Variants in APOL6 observed in about 807,000 individuals in gnomAD.
APOL6 encodes apolipoprotein L6.
In APOL6, 1 loss-of-function variant was observed where a neutral mutation model predicts 2.4. The ratio of observed to expected loss-of-function variants is 0.41; its 90% CI spans 0.15 to 1.94. The LOEUF (loss-of-function observed/expected upper bound fraction) is 1.94. Among genes scored for constraint, APOL6 ranks in the 30% most tolerant of loss-of-function variants. APOL6 has a pLI of 0.30. For synonymous variants in APOL6, 189 were observed against 169.3 expected (o/e 1.12, Z -0.90); for missense variants, 438 against 429.2 (o/e 1.02, Z -0.18).
intron 2 of APOL6, among the ~76,000 whole-genome samples, chr22:35,657,407 T>C (rs1924874325): frequency 6.6e-6 from 1 of 152,194 alleles, no homozygotes; most frequent in African/African-American, 2.4e-5. Flanking sequence ...AAACATATGC[T>C]CGATGGTATA....
chr22:35,667,613 A>C lies in APOL6; in HGVS notation c.*8017A>C, dbSNP rs1925223528. The C allele has an allele frequency of 6.6e-6, 1 of 152,198 alleles. No individual in the cohort carries two copies. The highest frequency in any genetic ancestry group is 2.1e-4 in the South Asian group (1 of 4,834). 9.4% of individuals were successfully genotyped at this position (152,198 alleles called of 1,614,324 possible). A position where few individuals can be genotyped will look rare whatever the true frequency, so the allele number is the denominator to read the frequency against. On this transcript the variant is annotated 3_prime_UTR_variant, in exon 3 of 3. Transcript: ENST00000409652. ...CACATTCATTAGGTTTCAACATATA[A>C]ACTTTCAGGGGACACAGACATTCAG...
chr22:35,661,251 G>T lies in APOL6; in HGVS notation c.*1655G>T, dbSNP rs756982107. 1 of 151,396 alleles carries T rather than the reference G, an allele frequency of 6.6e-6. No individual in the cohort carries two copies. Among genetic ancestry groups the T allele is most frequent in the Admixed American group, 6.6e-5 (1 of 15,184 alleles). 9.4% of individuals were successfully genotyped at this position (151,396 alleles called of 1,614,324 possible). ...AGGGCACTTGTAATCCTATCTACTC[G>T]GGAGGCTGAGGCAGGAGAATCGCTT... is the stretch of plus-strand genomic sequence containing the variant. On this transcript the variant is annotated 3_prime_UTR_variant, in exon 3 of 3. Coordinates refer to ENST00000409652, the MANE Select transcript of APOL6 (RefSeq NM_030641.4).
intron 2 of APOL6, among the ~76,000 whole-genome samples, chr22:35,656,827 TTGGTG>T (rs386821036): frequency 0.026 from 3,946 of 152,292 alleles, 81 homozygotes; most frequent in African/African-American, 0.046. Context: ...AGGAAGCCAT[TTGGTG>T]TTAACAAATT....
Position 35,656,453 on chromosome 22 carries a change from G to A in APOL6, c.28G>A (p.Glu10Lys). The A allele has an allele frequency of 1.2e-6, 2 of 1,614,122 alleles. No individual in the cohort carries two copies. The highest frequency in any genetic ancestry group is 1.3e-5 in the African/African-American group (1 of 75,050). Residue 10 changes from glutamate (E) to lysine (K), a missense_variant, in exon 2 of 3, where the codon GAG becomes AAG. By Grantham distance (56) the Glu-to-Lys change is moderately conservative. Transcript: ENST00000409652. MDNQAERES[E>K]AGVGLQRDED... is the part of the protein sequence containing the mutation. ...GGACAACCAGGCGGAGAGAGAAAGT[G>A]AGGCTGGTGTTGGTTTGCAAAGGTA...
At chr22:35,649,630 C>T (rs774427419) in intron 1 of APOL6, among the ~76,000 whole-genome samples, 2 of 151,982 alleles carry the variant, frequency 1.3e-5, no homozygotes, top group South Asian at 2.1e-4. Flanking sequence ...ATAAACCTCT[C>T]ACAAGCAAAT....
In APOL6 at chr22:35,659,203, G is replaced by A. The variant is rs777240326; in HGVS notation, c.639G>A (p.Arg213=). 6.2e-6 allele frequency: 10 copies of A among 1,614,064 alleles called. 1 individual carries two copies. The highest frequency in any genetic ancestry group is 8.5e-6 in the Non-Finnish European group (10 of 1,180,038). Residue 213 remains arginine, a synonymous_variant, in exon 3 of 3, where the codon CGG becomes CGA. Coordinates refer to ENST00000409652, the MANE Select transcript of APOL6 (RefSeq NM_030641.4). The part of the protein sequence containing the change: ...RLLTTGQVSS[R]SRVQVQKAFA... Reference sequence around the variant, plus strand: ...TGACCACTGGCCAAGTCTCCTCCCGGAGCCGCGTGCAGGTGCAAAAGGCCT... The same window carrying A: ...TGACCACTGGCCAAGTCTCCTCCCGAAGCCGCGTGCAGGTGCAAAAGGCCT...
At chr22:35,652,963 A>G (rs1171444010) in intron 1 of APOL6, among the ~76,000 whole-genome samples, 3 of 151,670 alleles carry the variant, frequency 2.0e-5, no homozygotes, top group Non-Finnish European at 4.4e-5. Context: ...TGGGGATGGC[A>G]TTGAATCTAT....
Position 35,659,202 on chromosome 22 carries a change from G to T in APOL6, c.638G>T (p.Arg213Leu), listed in dbSNP as rs758262301. ...RLLTTGQVSS[R>L]SRVQVQKAFA... ...CTGACCACTGGCCAAGTCTCCTCCC[G>T]GAGCCGCGTGCAGGTGCAAAAGGCC... The change falls in exon 3 of 3, where the codon CGG becomes CTG. Residue 213 changes from arginine to leucine, a missense_variant. Transcript: ENST00000409652. 6 of 1,614,042 alleles carry T rather than the reference G, an allele frequency of 3.7e-6. No homozygotes were observed. Among genetic ancestry groups the T allele is most frequent in the Non-Finnish European group, 5.1e-6 (6 of 1,180,042 alleles).
In APOL6 at chr22:35,661,284, G is replaced by A. The variant is rs1464881843; in HGVS notation, c.*1688G>A. 6.7e-6 allele frequency: 1 copy of A among 149,658 alleles called. No individual in the cohort carries two copies. Among genetic ancestry groups the A allele is most frequent in the Non-Finnish European group, 1.5e-5 (1 of 67,762 alleles). The allele number at this position is 149,658 out of a possible 1,614,324, so 9.3% of individuals were successfully genotyped here. ...GAGGCAGGAGAATCGCTTGAACCCA[G>A]GCTGTAAAGGTTGCAGTGAGCCAAG... On this transcript the variant is annotated 3_prime_UTR_variant, in exon 3 of 3. Transcript: ENST00000409652.
intron 1 of APOL6, among the ~76,000 whole-genome samples, chr22:35,649,031 A>G (rs1924619818): frequency 6.6e-6 from 1 of 152,132 alleles, no homozygotes; most frequent in Non-Finnish European, 1.5e-5. Context: ...ACAAGAAAAA[A>G]GGTGCTGGGT....
Position 35,659,341 on chromosome 22 carries a change from G to A in APOL6, c.777G>A (p.Leu259=), listed in dbSNP as rs1924951285. The A allele has an allele frequency of 6.2e-7, 1 of 1,613,972 alleles. No individual in the cohort carries two copies. Among genetic ancestry groups the A allele is most frequent in the Admixed American group, 1.7e-5 (1 of 60,002 alleles). The change falls in exon 3 of 3, where the codon CTG becomes CTA. Residue 259 remains leucine, a synonymous_variant. Coordinates refer to ENST00000409652, the MANE Select transcript of APOL6 (RefSeq NM_030641.4). ...LATLSKEWKH[L]KEGARTKFAE... is the part of the protein sequence containing the mutation. ...CTCTCTCAAAGGAATGGAAGCACCT[G>A]AAGGAAGGAGCAAGGACAAAGTTTG... is the stretch of plus-strand genomic sequence containing the variant.
intron 1 of APOL6, among the ~76,000 whole-genome samples, chr22:35,654,134 C>T (rs1236782311): frequency 1.3e-5 from 2 of 152,202 alleles, no homozygotes; most frequent in South Asian, 2.1e-4. Flanking sequence ...GGCACACCAC[C>T]CTCCAGGTAC....
chr22:35,658,629 C>G lies in APOL6; in HGVS notation c.65C>G (p.Ala22Gly), dbSNP rs1339159022. The G allele has an allele frequency of 6.2e-7, 1 of 1,610,338 alleles. No individual in the cohort carries two copies. Among genetic ancestry groups the G allele is most frequent in the Non-Finnish European group, 8.5e-7 (1 of 1,177,868 alleles). The change falls in exon 3 of 3, where the codon GCT (alanine) becomes GGT (glycine). Residue 22 changes from alanine to glycine, a missense_variant. Physicochemically the swap from Ala to Gly is moderately conservative, Grantham distance 60. Transcript: ENST00000409652. The stretch of plus-strand genomic sequence containing the variant: ...TTTCTCCTCAGGGATGAGGATGACG[C>G]TCCTCTGTGTGAAGACGTGGAGCTA... ...GVGLQRDEDDAPLCEDVELQD... is the reference protein window; with the variant it reads ...GVGLQRDEDDGPLCEDVELQD...
rs1925230287 is a variant in APOL6 at position 35,667,843 on chromosome 22, T to C, written c.*8247T>C. 6.6e-6 allele frequency: 1 copy of C among 152,214 alleles called. No individual in the cohort carries two copies. Among genetic ancestry groups the C allele is most frequent in the African/African-American group, 2.4e-5 (1 of 41,458 alleles). The allele number at this position is 152,214 out of a possible 1,614,324, so 9.4% of individuals were successfully genotyped here. ...GAAGAAAGGACTATGAGTTCAACTT[T>C]AGAGGGAGCCATGGGGACTAAACAA... On this transcript the variant is annotated 3_prime_UTR_variant, in exon 3 of 3. Coordinates refer to ENST00000409652, the MANE Select transcript of APOL6 (RefSeq NM_030641.4).
In APOL6 at chr22:35,658,764, T is replaced by G; in HGVS notation, c.200T>G (p.Ile67Ser). The G allele has an allele frequency of 6.2e-7, 1 of 1,614,124 alleles. No individual in the cohort carries two copies. The highest frequency in any genetic ancestry group is 8.5e-7 in the Non-Finnish European group (1 of 1,180,022). Residue 67 changes from isoleucine (I) to serine (S), a missense_variant, in exon 3 of 3, where the codon ATT (isoleucine) becomes AGT (serine). Ile to Ser is a moderately radical substitution (Grantham distance 142, BLOSUM62 -2). Coordinates refer to ENST00000409652, the MANE Select transcript of APOL6 (RefSeq NM_030641.4). ...IDKLRALADD[I>S]DKTHKKFTKA... is the part of the protein sequence containing the mutation. ...AAGCTCCGTGCCCTCGCAGACGATA[T>G]TGACAAAACCCACAAGAAATTCACC...
chr22:35,651,394 C>T (rs1353123805), intron 1 of APOL6, among the ~76,000 whole-genome samples: 1 of 152,188 alleles, frequency 6.6e-6, no homozygotes, highest in African/African-American at 2.4e-5. Flanking sequence ...GTCACCTCCT[C>T]TTCTTATAAT....
Position 35,648,566 on chromosome 22 carries a change from C to G in APOL6, c.-105C>G, listed in dbSNP as rs1207483536. On this transcript the variant is annotated 5_prime_UTR_variant, in exon 1 of 3. Transcript: ENST00000409652. ...CCTCGGAGAGGCAAGGACAGAGGTT[C>G]AGGATCTTCCTCTCCCTCGGGACCC... 1 of 152,364 alleles carries G rather than the reference C, an allele frequency of 6.6e-6. No individual in the cohort carries two copies. Among genetic ancestry groups the G allele is most frequent in the Admixed American group, 6.5e-5 (1 of 15,292 alleles). The allele number at this position is 152,364 out of a possible 1,614,324, so 9.4% of individuals were successfully genotyped here.
intron 1 of APOL6, among the ~76,000 whole-genome samples, chr22:35,649,011 G>A (rs983630763): frequency 6.6e-6 from 1 of 152,142 alleles, no homozygotes; most frequent in Admixed American, 6.5e-5. Flanking sequence ...TGGTTTAGGG[G>A]TGTCATCTCA....
chr22:35,656,959 A>G (rs1924862035), intron 2 of APOL6, among the ~76,000 whole-genome samples: 1 of 152,250 alleles, frequency 6.6e-6, no homozygotes, highest in Admixed American at 6.5e-5. Flanking sequence ...TATGTGTAAT[A>G]TGTCATGGAA....
Sources: gnomAD v4.1 joint callset for allele counts (sites outside exome capture counted in the v4.1 genomes callset) on GRCh38, gnomAD v4.1.1 for gene constraint, MANE v1.5 for transcripts, NCBI Gene and HGNC (gene_info 2026-07-23, HGNC 2026-07-21) for gene names.